Variants in PKD1L1 observed in about 807,000 individuals in gnomAD.
PKD1L1 encodes the protein polycystin 1 like 1, transient receptor potential channel interacting.
PKD1L1 carries 236 observed loss-of-function variants against 323.4 expected under a neutral mutation model. The ratio of observed to expected loss-of-function variants is 0.73; its 90% CI spans 0.66 to 0.81. PKD1L1 has a LOEUF of 0.81. Among genes scored for constraint, PKD1L1 ranks in the 40% least tolerant of loss-of-function variants. The pLI is 0.00. For missense variants in PKD1L1, 3,320 were observed against 3,508.0 expected (o/e 0.95, Z 1.35); for synonymous variants, 1,344 against 1,335.0 (o/e 1.01, Z -0.15).
intron 14 of PKD1L1, among the ~76,000 whole-genome samples, chr7:47,894,470 G>A (rs1050844475): frequency 6.6e-6 from 1 of 152,118 alleles, no homozygotes; most frequent in African/African-American, 2.4e-5. Flanking sequence ...TGGACTTTAG[G>A]AAATGTAAAT....
chr7:47,937,379 C>A (rs867633369), intron 3 of PKD1L1, among the ~76,000 whole-genome samples: 1 of 152,042 alleles, frequency 6.6e-6, no homozygotes, highest in Non-Finnish European at 1.5e-5. Context: ...TGGAGGCACA[C>A]CTGCTTCACT....
At chr7:47,828,475 G>A (rs187054957) in intron 44 of PKD1L1, among the ~76,000 whole-genome samples, 3 of 152,026 alleles carry the variant, frequency 2.0e-5, no homozygotes, top group South Asian at 2.1e-4. Flanking sequence ...AGGGCGGGGG[G>A]TGCAGGAGGA....
At chr7:47,912,835 A>G (rs911627041) in intron 8 of PKD1L1, among the ~76,000 whole-genome samples, 8 of 151,332 alleles carry the variant, frequency 5.3e-5, no homozygotes, top group South Asian at 4.2e-4. Flanking sequence ...AAAAAAAAAA[A>G]AAAGAAAAGA....
chr7:47,782,342 A>C (rs1284761955), intron 56 of PKD1L1, among the ~76,000 whole-genome samples: 2 of 152,212 alleles, frequency 1.3e-5, no homozygotes, highest in African/African-American at 4.8e-5. Context: ...AAAAAACCAC[A>C]GTAACTTATG....
At chr7:47,821,300 ACT>A (rs1308927691) in intron 45 of PKD1L1, 114 bp from the exon 46 acceptor site, 1 of 594,196 alleles carries the variant, frequency 1.7e-6, no homozygotes, top group African/African-American at 1.9e-5. Context: ...ACGGAGTCTC[ACT>A]CTGTCACCCA....
In PKD1L1 at chr7:47,821,176, TGGA is replaced by T; in HGVS notation, c.6862_6864del (p.Ser2288del). 1 of 1,602,908 alleles carries T rather than the reference TGGA, an allele frequency of 6.2e-7. No individual in the cohort carries two copies. The highest frequency in any genetic ancestry group is 1.7e-5 in the Admixed American group (1 of 59,986). On this transcript the variant is annotated inframe_deletion, in exon 46 of 57. Coordinates refer to ENST00000289672, the MANE Select transcript of PKD1L1 (RefSeq NM_138295.5). The stretch of plus-strand genomic sequence containing the variant: ...AGCAGAAGCAGCATGAGGATGTCCA[TGGA>T]AATGTCTCTGTAAGAAGAGTTTTTA...
At chr7:47,897,937 G>A in intron 14 of PKD1L1, 51 bp downstream of exon 14, 1 of 1,433,426 alleles carries the variant, frequency 7.0e-7, no homozygotes, top group Non-Finnish European at 9.4e-7. Context: ...CCAGGGCGAT[G>A]AGAAGCATGG....
chr7:47,847,735 T>C (rs1464264248), intron 31 of PKD1L1, among the ~76,000 whole-genome samples: 3 of 152,110 alleles, frequency 2.0e-5, no homozygotes, highest in East Asian at 1.9e-4. Context: ...AAATCAGATA[T>C]CTAAATATGA....
rs1787111037 is a variant in PKD1L1 at position 47,902,400 on chromosome 7, G to C, written c.2043C>G (p.Asn681Lys). The stretch of plus-strand genomic sequence containing the variant: ...CTACCTGGACTTTCCCAGGCCCCAT[G>C]TTCTTCACCAGGGGTGGCTGGCAGG... ...CEPCQPPLVK[N>K]MGPGKVQIWR... The change falls in exon 13 of 57, where the codon AAC (asparagine) becomes AAG (lysine). Residue 681 changes from asparagine to lysine, a missense_variant. Coordinates refer to ENST00000289672, the MANE Select transcript of PKD1L1 (RefSeq NM_138295.5). 1 of 1,614,040 alleles carries C rather than the reference G, an allele frequency of 6.2e-7. No homozygotes were observed. Among genetic ancestry groups the C allele is most frequent in the Admixed American group, 1.7e-5 (1 of 59,998 alleles).
In PKD1L1 at chr7:47,840,485, T is replaced by C; in HGVS notation, c.5528A>G (p.Asn1843Ser). ...CCTCAGGATAAAGGTGTGTCTGGAA[T>C]TCCTTTCAAACAGGGGCTTCTCTGG... Reference protein sequence around the residue: ...SCPEKPLFERNSRHTFILSAP... With the variant: ...SCPEKPLFERSSRHTFILSAP... Residue 1843 changes from asparagine (N) to serine (S), a missense_variant, in exon 35 of 57, where the codon AAT becomes AGT. Asn to Ser is a conservative substitution (Grantham distance 46). Coordinates refer to ENST00000289672, the MANE Select transcript of PKD1L1 (RefSeq NM_138295.5). This position sits in a 1 kb window ranked among gnomAD's most constrained non-coding sequence, Gnocchi z 4.1. The C allele has an allele frequency of 6.2e-7, 1 of 1,614,000 alleles. No individual in the cohort carries two copies. Among genetic ancestry groups the C allele is most frequent in the South Asian group, 1.1e-5 (1 of 91,082 alleles).
In PKD1L1 at chr7:47,908,181, T is replaced by C; in HGVS notation, c.1298A>G (p.Tyr433Cys). The stretch of plus-strand genomic sequence containing the variant: ...GGCCTCATGGCCAATCTCCACATAA[T>C]AAGGCCCAAGCTCCACTTCGGTTCC... ...FHGTEVELGP[Y>C]YVEIGHEAVS... is the part of the protein sequence containing the mutation. The change falls in exon 9 of 57, where the codon TAT (tyrosine) becomes TGT (cysteine). Residue 433 changes from tyrosine (Y) to cysteine (C), a missense_variant. Physicochemically the swap from Tyr to Cys is radical, Grantham distance 194 (BLOSUM62 -2). Coordinates refer to ENST00000289672, the MANE Select transcript of PKD1L1 (RefSeq NM_138295.5). 6.2e-7 allele frequency: 1 copy of C among 1,614,194 alleles called. No individual in the cohort carries two copies. The highest frequency in any genetic ancestry group is 8.5e-7 in the Non-Finnish European group (1 of 1,180,026).
Position 47,775,175 on chromosome 7 carries a change from A to C in PKD1L1, c.8527-9T>G. On this transcript the variant is annotated splice_polypyrimidine_tract_variant and intron_variant, in intron 56 of 56. Transcript: ENST00000289672. ...TCCTTGATGTCTGCTGGCTAAAAAG[A>C]AAAAATGAAAAACATACTGAAACAA... is the stretch of plus-strand genomic sequence containing the variant. 6.2e-7 allele frequency: 1 copy of C among 1,614,002 alleles called. No homozygotes were observed. The highest frequency in any genetic ancestry group is 1.1e-5 in the South Asian group (1 of 91,052).
rs1438014995 is a variant in PKD1L1 at position 47,905,187 on chromosome 7, C to T, written c.1661G>A (p.Ser554Asn). The part of the protein sequence containing the change: ...EDPPVRTTSR[S>N]IKKRLSIPQW... ...GGGGATGCTGAGTCTTTTTTTAATG[C>T]TTCTTGAAGTTGTCCTCACTGGTGG... Residue 554 changes from serine (S) to asparagine (N), a missense_variant, in exon 11 of 57, where the codon AGC becomes AAC. Coordinates refer to ENST00000289672, the MANE Select transcript of PKD1L1 (RefSeq NM_138295.5). 6.2e-6 allele frequency: 10 copies of T among 1,613,734 alleles called. No homozygotes were observed. The highest frequency in any genetic ancestry group is 2.2e-5 in the East Asian group (1 of 44,876).
intron 10 of PKD1L1, 67 bp from the exon 11 acceptor site, chr7:47,905,392 G>C (rs1032547297): frequency 6.6e-7 from 1 of 1,512,972 alleles, no homozygotes; most frequent in African/African-American, 1.4e-5. Context: ...AGAGAAACTA[G>C]TACCTCTACT....
chr7:47,867,338 C>T (rs914500227), intron 24 of PKD1L1, among the ~76,000 whole-genome samples: 1 of 151,984 alleles, frequency 6.6e-6, no homozygotes, highest in Admixed American at 6.6e-5. Context: ...ATAAAAAGAA[C>T]AAATAAATCT....
At chr7:47,828,694 T>C (rs1451319607) in intron 44 of PKD1L1, among the ~76,000 whole-genome samples, 2 of 152,310 alleles carry the variant, frequency 1.3e-5, no homozygotes, top group African/African-American at 4.8e-5. Flanking sequence ...GCACCACCCA[T>C]CTTCAGCAGC....
chr7:47,860,618 A>G (rs1433604268), intron 26 of PKD1L1, among the ~76,000 whole-genome samples: 1 of 152,234 alleles, frequency 6.6e-6, no homozygotes, highest in East Asian at 1.9e-4. Context: ...TACCATGGAT[A>G]TTAGGACTTA....
chr7:47,827,744 C>T (rs375547866), intron 44 of PKD1L1, among the ~76,000 whole-genome samples: 28 of 152,220 alleles, frequency 1.8e-4, no homozygotes, highest in African/African-American at 6.0e-4. Context: ...CTGCTGTACA[C>T]GAGGGGTATG....
chr7:47,942,316 G>A (rs1318976022), intron 2 of PKD1L1, among the ~76,000 whole-genome samples: 3 of 152,116 alleles, frequency 2.0e-5, no homozygotes, highest in Non-Finnish European at 4.4e-5. Context: ...GCAGCAGCAG[G>A]ATGTCAGGCA....
Sources: gnomAD v4.1 joint callset for allele counts (sites outside exome capture counted in the v4.1 genomes callset) on GRCh38, gnomAD v4.1.1 for gene constraint, Gnocchi (gnomAD v3.1) non-coding constraint, MANE v1.5 for transcripts, NCBI Gene and HGNC (gene_info 2026-07-23, HGNC 2026-07-21) for gene names.